COL28A1: variants seen among roughly 807,000 people sequenced by gnomAD.
COL28A1 encodes collagen type XXVIII alpha 1 chain, also known as collagen alpha-1(XXVIII) chain.
COL28A1 carries 161 observed loss-of-function variants against 150.2 expected under a neutral mutation model. The observed-to-expected ratio is 1.07, with a 90% CI of 0.94 to 1.22. The LOEUF (loss-of-function observed/expected upper bound fraction) is 1.22. Ranked by LOEUF, COL28A1 falls within the 50% of genes most tolerant of loss-of-function variation. The pLI, the probability that COL28A1 is intolerant of heterozygous loss-of-function variation, is 0.00. For synonymous variants in COL28A1, 552 were observed against 469.7 expected (o/e 1.18, Z -2.26); for missense variants, 1,617 against 1,388.3 (o/e 1.16, Z -2.62).
chr7:7,388,457 G>T (rs115827635), intron 27 of COL28A1, among the ~76,000 whole-genome samples: 1 of 152,026 alleles, frequency 6.6e-6, no homozygotes, highest in Non-Finnish European at 1.5e-5. Flanking sequence ...TGTGAACAGC[G>T]CCGCGATAAA....
chr7:7,399,563 T>TG (rs752787661), intron 27 of COL28A1, among the ~76,000 whole-genome samples: 1 of 152,216 alleles, frequency 6.6e-6, no homozygotes. Context: ...TCCTAAATTT[T>TG]GTCTTGTTTA....
intron 27 of COL28A1, among the ~76,000 whole-genome samples, chr7:7,412,135 C>T (rs1342768189): frequency 6.6e-6 from 1 of 152,094 alleles, no homozygotes; most frequent in Non-Finnish European, 1.5e-5. Flanking sequence ...CTAGTTCTCA[C>T]CAATAAAATG....
chr7:7,540,277 T>G (rs980301459), upstream of COL28A1, among the ~76,000 whole-genome samples: 4 of 152,244 alleles, frequency 2.6e-5, no homozygotes, highest in Admixed American at 2.6e-4. Flanking sequence ...GACTAAACTC[T>G]GCTTTAAATG....
At chr7:7,342,584 A>G in the COL28A1 span, among the ~76,000 whole-genome samples, 3 of 151,804 alleles carry the variant, frequency 2.0e-5, no homozygotes, top group Admixed American at 1.3e-4. Flanking sequence ...ATTTGAAGCT[A>G]TGTCCTCTGT....
the COL28A1 span, among the ~76,000 whole-genome samples, chr7:7,349,541 C>G: frequency 1.3e-5 from 2 of 152,194 alleles, no homozygotes; most frequent in African/African-American, 4.8e-5. Context: ...CTTCAGAATT[C>G]TAGCTGCCTT....
intron 15 of COL28A1, 114 bp from the exon 16 acceptor site, chr7:7,456,226 T>A (rs1158401236): frequency 2.3e-6 from 3 of 1,319,926 alleles, no homozygotes; most frequent in Non-Finnish European, 3.0e-6. Flanking sequence ...ATAAAAAAAA[T>A]TCAACATGGA....
intron 18 of COL28A1, among the ~76,000 whole-genome samples, chr7:7,448,920 G>A (rs1208085933): frequency 1.3e-5 from 2 of 151,978 alleles, no homozygotes; most frequent in South Asian, 2.1e-4. Context: ...ACAGATCAAT[G>A]GTTAGCAGAT....
chr7:7,397,302 C>G (rs768861444), intron 27 of COL28A1, among the ~76,000 whole-genome samples: 1 of 152,128 alleles, frequency 6.6e-6, no homozygotes, highest in Non-Finnish European at 1.5e-5. Context: ...CTTCCATAGT[C>G]TCTTCTCCTT....
intron 27 of COL28A1, chr7:7,417,548 GGA>G (rs1177669541): frequency 0.012 from 389 of 33,068 alleles, no homozygotes; most frequent in East Asian, 0.021. Context: ...GAGGGGGGGG[GGA>G]GAGAGAGAGA....
chr7:7,381,495 T>C, intron 28 of COL28A1, 49 bp downstream of exon 28: 1 of 1,330,450 alleles, frequency 7.5e-7, no homozygotes, highest in Non-Finnish European at 1.1e-6. Flanking sequence ...AAAGTTAAGC[T>C]ATTGCGATCC....
downstream of COL28A1, chr7:7,357,133 TC>T (rs1170536391): frequency 6.6e-6 from 1 of 152,184 alleles, no homozygotes; most frequent in Non-Finnish European, 1.5e-5. Context: ...CTCTGCAACC[TC>T]TGCTTCCCAG....
chr7:7,463,680 C>T (rs566189524), intron 15 of COL28A1, among the ~76,000 whole-genome samples: 2 of 152,248 alleles, frequency 1.3e-5, no homozygotes, highest in African/African-American at 4.8e-5. Context: ...AGCTCTAAAT[C>T]TTGAAAGAAA....
chr7:7,412,706 C>T (rs903219420), intron 27 of COL28A1, among the ~76,000 whole-genome samples: 2 of 152,062 alleles, frequency 1.3e-5, no homozygotes, highest in African/African-American at 4.8e-5. Context: ...AGATGAAATA[C>T]TCAGGAAGTG....
At chr7:7,387,708 T>A (rs939706068) in intron 27 of COL28A1, among the ~76,000 whole-genome samples, 10 of 152,184 alleles carry the variant, frequency 6.6e-5, no homozygotes, top group African/African-American at 1.7e-4. Context: ...TTTTTGCAAG[T>A]CTGAAATTAT....
chr7:7,381,376 T>C (rs765884684), intron 28 of COL28A1, among the ~76,000 whole-genome samples, 168 bp downstream of exon 28: 4 of 152,220 alleles, frequency 2.6e-5, no homozygotes, highest in Non-Finnish European at 4.4e-5. Flanking sequence ...AGTGAACCTA[T>C]TTATAGGTAG....
intron 15 of COL28A1, among the ~76,000 whole-genome samples, chr7:7,466,356 G>C (rs1583442463): frequency 6.8e-6 from 1 of 146,518 alleles, no homozygotes; most frequent in East Asian, 2.0e-4. Flanking sequence ...AGGGTTATCA[G>C]CAATGGAAGA....
At chr7:7,360,279 C>T (rs954229711) in intron 34 of COL28A1, 111 bp downstream of exon 34, 12 of 1,093,950 alleles carry the variant, frequency 1.1e-5, no homozygotes, top group Non-Finnish European at 1.5e-5. Flanking sequence ...CTGTGCCTTC[C>T]TCACATTGTA....
At chr7:7,349,787 G>A in the COL28A1 span, among the ~76,000 whole-genome samples, 1 of 152,106 alleles carries the variant, frequency 6.6e-6, no homozygotes, top group African/African-American at 2.4e-5. Flanking sequence ...AGGCATGAGA[G>A]AGAATTTGGT....
chr7:7,489,364 TC>T, intron 13 of COL28A1, 24 bp downstream of exon 13: 1 of 983,970 alleles, frequency 1.0e-6, no homozygotes, highest in Non-Finnish European at 1.7e-6. Flanking sequence ...TCCTTTTCAT[TC>T]CATCTAGAAT....
Sources: allele counts gnomAD v4.1 joint callset (sites outside exome capture counted in the v4.1 genomes callset), GRCh38; gene constraint gnomAD v4.1.1; transcripts MANE v1.5; gene names NCBI Gene and HGNC (gene_info 2026-07-23, HGNC 2026-07-21).